LRFN2: variants seen among roughly 807,000 people sequenced by gnomAD.
The protein encoded by LRFN2 is leucine rich repeat and fibronectin type III domain containing 2.
A neutral mutation model predicts 37.3 loss-of-function variants in LRFN2; 18 were observed. The observed-to-expected ratio is 0.48, with a 90% CI of 0.33 to 0.72. The LOEUF (loss-of-function observed/expected upper bound fraction) is 0.72. Ranked by LOEUF, LRFN2 falls within the 30% of genes least tolerant of loss-of-function variation. The pLI is 0.02. For missense variants in LRFN2, 1,006 were observed against 1,060.7 expected (o/e 0.95, Z 0.72); for synonymous variants, 556 against 466.6 (o/e 1.19, Z -2.47).
intron 1 of LRFN2, among the ~76,000 whole-genome samples, chr6:40,470,272 C>A (rs16893640): frequency 0.074 from 11,243 of 152,218 alleles, 827 homozygotes; most frequent in African/African-American, 0.19. Context: ...GGTAATAGAA[C>A]CCACAGAGAA....
intron 1 of LRFN2, among the ~76,000 whole-genome samples, chr6:40,477,426 C>T (rs373456244): frequency 4.1e-4 from 63 of 152,152 alleles, no homozygotes; most frequent in African/African-American, 1.5e-3. Context: ...TCTGTGGTCC[C>T]ATGAGAAAAC....
intron 1 of LRFN2, among the ~76,000 whole-genome samples, chr6:40,516,782 TCCC>T: frequency 6.6e-6 from 1 of 151,996 alleles, no homozygotes. Flanking sequence ...GATGAGTGGG[TCCC>T]CATTCTGAGC....
chr6:40,525,384 A>G (rs1286947001), intron 1 of LRFN2, among the ~76,000 whole-genome samples: 1 of 152,206 alleles, frequency 6.6e-6, no homozygotes, highest in Non-Finnish European at 1.5e-5. Context: ...GAAGCTGCCA[A>G]TTTACATTCA....
intron 1 of LRFN2, among the ~76,000 whole-genome samples, chr6:40,584,419 T>G (rs909198875): frequency 6.6e-6 from 1 of 152,236 alleles, no homozygotes; most frequent in Non-Finnish European, 1.5e-5. Context: ...CATTCCATTA[T>G]ATGACAACTC....
chr6:40,400,666 C>T (rs1277356252), intron 2 of LRFN2, among the ~76,000 whole-genome samples: 1 of 151,604 alleles, frequency 6.6e-6, no homozygotes, highest in African/African-American at 2.4e-5. Context: ...AGTGATCCAC[C>T]CACCTTGGCC....
chr6:40,506,561 G>A lies in LRFN2; in HGVS notation c.-18-73430C>T, dbSNP rs183172665. On this transcript the variant is annotated intron_variant, in intron 1 of 2. Transcript: ENST00000338305. ...ATTTAGTTGGTATTTAGGATCATGAGGAAGGTGCATTCATCAATGGAAGGT... is the reference window on the plus strand; with the variant it reads ...ATTTAGTTGGTATTTAGGATCATGAAGAAGGTGCATTCATCAATGGAAGGT... 1.9e-3 allele frequency among the ~76,000 whole-genome samples: 295 copies of A among 152,238 alleles called. 2 individuals carry two copies. Among genetic ancestry groups the A allele is most frequent in the African/African-American group, 7.0e-3 (290 of 41,544 alleles).
rs756470628 is a variant in LRFN2, at chr6:40,432,163, G to A, written c.951C>T (p.Ser317=). ...TLKCKAIGDP[S]PLIHWVAPDD... is the part of the protein sequence containing the mutation. ...CGGGGGCTACCCAGTGGATAAGGGG[G>A]CTGGGGTCCCCAATGGCTTTGCACT... Residue 317 remains serine, a synonymous_variant, in exon 2 of 3, where the codon AGC becomes AGT. Transcript: ENST00000338305. 5 of 1,613,818 alleles carry A rather than the reference G, an allele frequency of 3.1e-6. No individual in the cohort carries two copies. Among genetic ancestry groups the A allele is most frequent in the East Asian group, 2.2e-5 (1 of 44,870 alleles).
intron 2 of LRFN2, among the ~76,000 whole-genome samples, chr6:40,414,093 A>G (rs1763039885): frequency 6.6e-6 from 1 of 152,214 alleles, no homozygotes; most frequent in African/African-American, 2.4e-5. Context: ...GGAGCACAAC[A>G]GGCCTGGGTT....
At chr6:40,552,205 T>C (rs1766790293) in intron 1 of LRFN2, among the ~76,000 whole-genome samples, 1 of 152,226 alleles carries the variant, frequency 6.6e-6, no homozygotes, top group Non-Finnish European at 1.5e-5. Context: ...CCAGGAATCC[T>C]TGTTTTACTA....
chr6:40,437,032 T>A (rs533393190), intron 1 of LRFN2, among the ~76,000 whole-genome samples: 7 of 152,280 alleles, frequency 4.6e-5, no homozygotes, highest in African/African-American at 1.7e-4. Context: ...GGTAGTGTTC[T>A]ATGGCCCCAT....
intron 2 of LRFN2, among the ~76,000 whole-genome samples, chr6:40,404,885 TG>T: frequency 6.6e-6 from 1 of 152,352 alleles, no homozygotes; most frequent in East Asian, 1.9e-4. Context: ...CTAAGACCTC[TG>T]GGTTCAGCGT....
At position 40,392,522 on chromosome 6, in the gene LRFN2, C is replaced by A. The variant is rs868787132; in HGVS notation, c.1791G>T (p.Gln597His). 2 of 1,590,546 alleles carry A rather than the reference C, an allele frequency of 1.3e-6. No homozygotes were observed. Among genetic ancestry groups the A allele is most frequent in the African/African-American group, 2.7e-5 (2 of 74,368 alleles). Residue 597 changes from glutamine to histidine, a missense_variant, in exon 3 of 3, where the codon CAG becomes CAT. By Grantham distance (24) the Gln-to-His change is conservative (BLOSUM62 0). This residue lies in a region of LRFN2 where 398 missense variants were observed against 327.6 expected (regional missense o/e 1.21). Coordinates refer to ENST00000338305, the MANE Select transcript of LRFN2 (RefSeq NM_020737.3). This position sits in a 1 kb window ranked among gnomAD's most constrained non-coding sequence, Gnocchi z 4.7. ...TGCGCACCACCACCTTCGGCGGGCCCTGCGGCGGGGCCCCGGCTGGTGCGC... is the reference window on the plus strand; with the variant it reads ...TGCGCACCACCACCTTCGGCGGGCCATGCGGCGGGGCCCCGGCTGGTGCGC... ...PSSAPAGAPP[Q>H]GPPKVVVRNE...
At chr6:40,493,772 C>A (rs62395903) in intron 1 of LRFN2, among the ~76,000 whole-genome samples, 6,972 of 152,330 alleles carry the variant, frequency 0.046, 234 homozygotes, top group Non-Finnish European at 0.07. Flanking sequence ...CAGACACTAA[C>A]TTCCAGCTTG....
At chr6:40,469,759 C>G (rs1320906363) in intron 1 of LRFN2, among the ~76,000 whole-genome samples, 1 of 152,126 alleles carries the variant, frequency 6.6e-6, no homozygotes, top group Admixed American at 6.5e-5. Context: ...CACTGACTGG[C>G]CTCTCTCATG....
At chr6:40,443,178 T>C (rs1763883706) in intron 1 of LRFN2, among the ~76,000 whole-genome samples, 1 of 152,162 alleles carries the variant, frequency 6.6e-6, no homozygotes, top group South Asian at 2.1e-4. Flanking sequence ...GGTCTATCCT[T>C]GGCTTTGGGA....
rs1300722300 is a variant in LRFN2, at chr6:40,432,912, T to C, written c.202A>G (p.Ser68Gly). The C allele has an allele frequency of 1.2e-6, 2 of 1,614,034 alleles. No individual in the cohort carries two copies. Among genetic ancestry groups the C allele is most frequent in the Admixed American group, 3.3e-5 (2 of 60,006 alleles). ...RLGGNFIIHISRQDFANMTGL... is the reference protein window; with the variant it reads ...RLGGNFIIHIGRQDFANMTGL... ...GTCATGTTGGCAAAGTCCTGGCGGC[T>C]GATGTGGATGATGAAGTTGCCGCCC... The change falls in exon 2 of 3, where the codon AGC becomes GGC. Residue 68 changes from serine to glycine, a missense_variant. Physicochemically the swap from Ser to Gly is moderately conservative, Grantham distance 56. Around this residue, in one of 4 missense-constraint regions of LRFN2, gnomAD observed 185 missense variants for 254.9 expected, o/e 0.73. Coordinates refer to ENST00000338305, the MANE Select transcript of LRFN2 (RefSeq NM_020737.3).
intron 1 of LRFN2, among the ~76,000 whole-genome samples, chr6:40,515,892 CAAAAAAAAAAAAAA>C (rs71543993): frequency 1.1e-5 from 1 of 91,762 alleles, no homozygotes; most frequent in African/African-American, 4.1e-5. Context: ...GACTCCATAT[CAAAAAAAAAAAAAA>C]AAAAAAAAGA....
At chr6:40,455,451 A>G (rs1184248589) in intron 1 of LRFN2, among the ~76,000 whole-genome samples, 1 of 152,246 alleles carries the variant, frequency 6.6e-6, no homozygotes, top group Non-Finnish European at 1.5e-5. Flanking sequence ...CTTCAAGAGC[A>G]GACCCTTAAG....
At chr6:40,435,563 G>A (rs1431643356) in intron 1 of LRFN2, among the ~76,000 whole-genome samples, 1 of 151,568 alleles carries the variant, frequency 6.6e-6, no homozygotes, top group Non-Finnish European at 1.5e-5. Flanking sequence ...TTTTGAGACG[G>A]AGTCTGGCTC....
Sources: gnomAD v4.1 joint callset for allele counts (sites outside exome capture counted in the v4.1 genomes callset) on GRCh38, gnomAD v4.1.1 for gene constraint, gnomAD v4.1.1 regional missense constraint, Gnocchi (gnomAD v3.1) non-coding constraint, MANE v1.5 for transcripts, NCBI Gene and HGNC (gene_info 2026-07-23, HGNC 2026-07-21) for gene names.